ASPM: variants seen among roughly 807,000 people sequenced by gnomAD.
ASPM encodes abnormal spindle-like microcephaly-associated protein.
ASPM carries 256 observed loss-of-function variants against 366.4 expected under a neutral mutation model. The ratio of observed to expected loss-of-function variants is 0.70; its 90% CI spans 0.63 to 0.77. The LOEUF is 0.77. ASPM is among the 30% of genes least tolerant of loss of function. The pLI is 0.00. For missense variants in ASPM, 4,146 were observed against 4,090.4 expected, an observed-to-expected ratio of 1.01 and a Z score of -0.37; for synonymous variants, 1,414 against 1,342.9, an observed-to-expected ratio of 1.05 and a Z score of -1.16.
At chr1:197,128,163 CAAAA>C (rs76055388) in intron 10 of ASPM, among the ~76,000 whole-genome samples, 1 of 119,594 alleles carries the variant, frequency 8.4e-6, no homozygotes, top group Admixed American at 8.6e-5. Flanking sequence ...GACTCCGTCT[CAAAA>C]AAAAAAAAAA....
At chr1:197,121,070 G>C (rs1044013315) in intron 16 of ASPM, among the ~76,000 whole-genome samples, 33 of 152,018 alleles carry the variant, frequency 2.2e-4, no homozygotes, top group African/African-American at 7.2e-4. Context: ...AGGAATATTG[G>C]GTGGAATGTA....
rs912338232 is a variant in ASPM at position 197,146,356 on chromosome 1, C to G, written c.82G>C (p.Ala28Pro). The G allele has an allele frequency of 3.1e-6, 5 of 1,610,412 alleles. No homozygotes were observed. In the Admixed American group the frequency reaches 8.3e-5, roughly 27 times the overall value. The change falls in exon 1 of 28, where the codon GCG (alanine) becomes CCG (proline). Residue 28 changes from alanine to proline, a missense_variant. Coordinates refer to ENST00000367409, the MANE Select transcript of ASPM (RefSeq NM_018136.5). ...RRPPAGLRGP[A>P]AEEEASSPPV... is the part of the protein sequence containing the mutation. ...GGGGAAGACGCCTCCTCCTCGGCCGCGGGGCCCCGCAGCCCCGCGGGCGGC... is the reference window on the plus strand; with the variant it reads ...GGGGAAGACGCCTCCTCCTCGGCCGGGGGGCCCCGCAGCCCCGCGGGCGGC...
At position 197,143,528 on chromosome 1, in the gene ASPM, G is replaced by A. The variant is rs760545796; in HGVS notation, c.724C>T (p.Arg242Cys). The A allele has an allele frequency of 5.6e-6, 9 of 1,613,766 alleles. No individual in the cohort carries two copies. The highest frequency in any genetic ancestry group is 4.2e-6 in the Non-Finnish European group (5 of 1,179,928). Residue 242 changes from arginine (R) to cysteine (C), a missense_variant, in exon 3 of 28, where the codon CGT (arginine) becomes TGT (cysteine). Physicochemically the swap from Arg to Cys is radical, Grantham distance 180. Transcript: ENST00000367409. ...HGATCLPLSV[R>C]RSTTYSSLHA... ...AGAGATGAGTAGGTAGTAGATCGAC[G>A]TACAGAGAGTGGCAAGCAAGTTGCA...
rs370590014 is a variant in ASPM, at chr1:197,102,737, C to T, written c.6514G>A (p.Val2172Ile). 2.9e-5 allele frequency: 46 copies of T among 1,612,626 alleles called. No individual in the cohort carries two copies. In the African/African-American group the frequency reaches 5.6e-4, roughly 20 times the overall value. ...ACTCCTCTAAAACTTGCCTGAAGGA[C>T]TTTAACAGCTTTCAAAATTGTCAGG... ...KYLTILKAVK[V>I]LQASFRGVRV... The change falls in exon 18 of 28, where the codon GTC becomes ATC. Residue 2172 changes from valine (V) to isoleucine (I), a missense_variant. Val to Ile is a conservative substitution (Grantham distance 29). Around this residue, in one of 3 missense-constraint regions of ASPM, gnomAD observed 3,624 missense variants for 3,591.7 expected, o/e 1.01. Transcript: ENST00000367409.
rs929382862 is a variant in ASPM, at chr1:197,094,121, G to A, written c.9047C>T (p.Pro3016Leu). Residue 3016 changes from proline (P) to leucine (L), a missense_variant, in exon 20 of 28, where the codon CCT (proline) becomes CTT (leucine). Physicochemically the swap from Pro to Leu is moderately conservative, Grantham distance 98. Coordinates refer to ENST00000367409, the MANE Select transcript of ASPM (RefSeq NM_018136.5). The part of the protein sequence containing the change: ...IIQRKWRAIL[P>L]AKIAHEHFLM... The stretch of plus-strand genomic sequence containing the variant: ...GAAGTGTTCATGAGCTATCTTTGCA[G>A]GAAGTATAGCTCTCCATTTTCTCTG... 2 of 1,606,442 alleles carry A rather than the reference G, an allele frequency of 1.2e-6. No individual in the cohort carries two copies. The highest frequency in any genetic ancestry group is 1.7e-6 in the Non-Finnish European group (2 of 1,175,380).
At chr1:197,139,286 C>T (rs1201048201) in intron 4 of ASPM, 3 of 909,028 alleles carry the variant, frequency 3.3e-6, no homozygotes, top group Non-Finnish European at 5.4e-6. Context: ...TACTCCCTAC[C>T]ACAGCAAAGG....
At chr1:197,127,338 C>A (rs1237871279) in intron 10 of ASPM, among the ~76,000 whole-genome samples, 1 of 152,110 alleles carries the variant, frequency 6.6e-6, no homozygotes, top group Non-Finnish European at 1.5e-5. Flanking sequence ...CCAGGGTCAG[C>A]TAAAGAGTTT....
chr1:197,122,158 C>G lies in ASPM; in HGVS notation c.3741+1G>C. The G allele has an allele frequency of 6.2e-7, 1 of 1,608,512 alleles. No homozygotes were observed. Among genetic ancestry groups the G allele is most frequent in the Non-Finnish European group, 8.5e-7 (1 of 1,175,440 alleles). On this transcript the variant is annotated splice_donor_variant, in intron 15 of 27. Coordinates refer to ENST00000367409, the MANE Select transcript of ASPM (RefSeq NM_018136.5). LOFTEE classifies it high-confidence loss of function. ...TAATTAGAAACTCTTCTTTTACTTA[C>G]CTTTTCATCTGGAATTGTATTTGAC...
chr1:197,122,624 A>G, intron 13 of ASPM, 29 bp from the exon 14 acceptor site: 1 of 1,542,562 alleles, frequency 6.5e-7, no homozygotes, highest in Non-Finnish European at 8.8e-7. Context: ...AAAACAATTA[A>G]CCGCATTTAG....
intron 1 of ASPM, 121 bp from the exon 2 acceptor site, chr1:197,144,221 A>G (rs1658697389): frequency 1.5e-6 from 1 of 656,520 alleles, no homozygotes; most frequent in Admixed American, 2.9e-5. Flanking sequence ...CTATATACTA[A>G]ACATTTAATA....
At chr1:197,126,841 A>G (rs1394752177) in intron 10 of ASPM, among the ~76,000 whole-genome samples, 1 of 152,222 alleles carries the variant, frequency 6.6e-6, no homozygotes, top group African/African-American at 2.4e-5. Context: ...TAAATGTCAA[A>G]GAATTCCTCC....
Position 197,146,611 on chromosome 1 carries a change from A to T in ASPM, c.-174T>A. ...ACCTACTCCCTAGAAAACAGAAAACAAGCCCAATAAACTCGCAAATTAAAA... is the reference window on the plus strand; with the variant it reads ...ACCTACTCCCTAGAAAACAGAAAACTAGCCCAATAAACTCGCAAATTAAAA... On this transcript the variant is annotated 5_prime_UTR_variant, in exon 1 of 28. Coordinates refer to ENST00000367409, the MANE Select transcript of ASPM (RefSeq NM_018136.5). 1.5e-6 allele frequency: 1 copy of T among 677,194 alleles called. No homozygotes were observed. The highest frequency in any genetic ancestry group is 2.9e-5 in the Admixed American group (1 of 35,060). The allele number at this position is 677,194 out of a possible 1,614,324, so 41.9% of individuals were successfully genotyped here.
At chr1:197,130,119 T>A in intron 7 of ASPM, 63 bp from the exon 8 acceptor site, 2 of 1,546,104 alleles carry the variant, frequency 1.3e-6, no homozygotes, top group Admixed American at 3.4e-5. Context: ...GGGAAGTGAC[T>A]GAGGAATGGC....
intron 3 of ASPM, among the ~76,000 whole-genome samples, chr1:197,141,221 C>G (rs969443438): frequency 6.6e-6 from 1 of 151,722 alleles, no homozygotes; most frequent in Non-Finnish European, 1.5e-5. Context: ...TCATAAAACA[C>G]AAAACTTACA....
rs1404901887 is a variant in ASPM, at chr1:197,146,481, C to T, written c.-44G>A. ...CCTGGATCTCCTTGCCCCGCTCCCA[C>T]GAGGCGGCTCCGGAGCGGGGATCCG... On this transcript the variant is annotated 5_prime_UTR_variant, in exon 1 of 28. It adds an upstream start codon to the 5' untranslated region. Coordinates refer to ENST00000367409, the MANE Select transcript of ASPM (RefSeq NM_018136.5). 4 of 1,595,066 alleles carry T rather than the reference C, an allele frequency of 2.5e-6. No individual in the cohort carries two copies. The highest frequency in any genetic ancestry group is 1.1e-5 in the South Asian group (1 of 90,558).
rs1033657416 is a variant in ASPM, at chr1:197,143,132, C to A, written c.1120G>T (p.Asp374Tyr). 3.1e-6 allele frequency: 5 copies of A among 1,612,624 alleles called. No homozygotes were observed. The African/African-American group carries it at 6.7e-5, about 22-fold the overall frequency. Residue 374 changes from aspartate (D) to tyrosine (Y), a missense_variant, in exon 3 of 28, where the codon GAT becomes TAT. By Grantham distance (160) the Asp-to-Tyr change is radical (BLOSUM62 -3). Transcript: ENST00000367409. Reference protein sequence around the residue: ...KILSPDSFIKDNYGLNQDLES... With the variant: ...KILSPDSFIKYNYGLNQDLES... Reference sequence around the variant, plus strand: ...AGATCCTGATTTAGTCCATAATTATCTTTTATGAAAGAATCTGGACTTAAA... The same window carrying A: ...AGATCCTGATTTAGTCCATAATTATATTTTATGAAAGAATCTGGACTTAAA...
chr1:197,142,405 T>G lies in ASPM; in HGVS notation c.1847A>C (p.Lys616Thr), dbSNP rs771261912. ...GATGGGTGTTGTCACATTTTTTGTT[T>G]TCTTAACAGCTGATGTTTTAGGCTC... Reference protein sequence around the residue: ...PSEPKTSAVKKTKNVTTPISK... With the variant: ...PSEPKTSAVKTTKNVTTPISK... The change falls in exon 3 of 28, where the codon AAA (lysine) becomes ACA (threonine). Residue 616 changes from lysine (K) to threonine (T), a missense_variant. This residue lies in a region of ASPM where 3,624 missense variants were observed against 3,591.7 expected (regional missense o/e 1.01). Coordinates refer to ENST00000367409, the MANE Select transcript of ASPM (RefSeq NM_018136.5). 11 of 1,613,814 alleles carry G rather than the reference T, an allele frequency of 6.8e-6. No individual in the cohort carries two copies. The South Asian group carries it at 1.1e-4, about 16-fold the overall frequency.
rs967358841 is a variant in ASPM at position 197,128,513 on chromosome 1, G to A, written c.2913C>T (p.Asp971=). The A allele has an allele frequency of 6.2e-7, 1 of 1,613,664 alleles. No individual in the cohort carries two copies. The highest frequency in any genetic ancestry group is 1.1e-5 in the South Asian group (1 of 91,078). ...ACACAAGGCGCACTCCACATTGCAA[G>A]TCTACGGCAAGATTTGTAACGGCAA... The part of the protein sequence containing the change: ...FDFAVTNLAV[D]LQCGVRLVRT... Residue 971 remains aspartate, a synonymous_variant, in exon 10 of 28, where the codon GAC becomes GAT. Transcript: ENST00000367409.
rs531576469 is a variant in ASPM, at chr1:197,104,287, A to C, written c.4964T>G (p.Ile1655Ser). 1.4e-5 allele frequency: 22 copies of C among 1,613,092 alleles called. No homozygotes were observed. In the East Asian group the frequency reaches 4.9e-4, roughly 36 times the overall value. ...TTGAATCTTTATAACAGATGTGAGG[A>C]TGTGAATATACATTTTCCTGGCTTG... ...GMQARKMYIH[I>S]LTSVIKIQSY... Residue 1655 changes from isoleucine to serine, a missense_variant, in exon 18 of 28, where the codon ATC becomes AGC. Coordinates refer to ENST00000367409, the MANE Select transcript of ASPM (RefSeq NM_018136.5).
Sources: allele counts gnomAD v4.1 joint callset (sites outside exome capture counted in the v4.1 genomes callset), GRCh38; gene constraint gnomAD v4.1.1; regional missense constraint gnomAD v4.1.1; transcripts MANE v1.5; gene names NCBI Gene and HGNC (gene_info 2026-07-23, HGNC 2026-07-21).